CLDN12: variants seen among roughly 807,000 people sequenced by gnomAD.
CLDN12 encodes the protein claudin 12, also known as claudin-12.
A neutral mutation model predicts 15.5 loss-of-function variants in CLDN12; 9 were observed. The ratio of observed to expected loss-of-function variants is 0.58; its 90% CI spans 0.35 to 1.02. CLDN12 has a LOEUF of 1.02. CLDN12 is among the 50% of genes least tolerant of loss of function. The pLI, the probability that CLDN12 is intolerant of heterozygous loss-of-function variation, is 0.02. For missense variants in CLDN12, 233 were observed against 297.3 expected, an observed-to-expected ratio of 0.78 and a Z score of 1.59; for synonymous variants, 140 against 121.6, an observed-to-expected ratio of 1.15 and a Z score of -1.00.
At position 90,413,320 on chromosome 7, in the gene CLDN12, C is replaced by T; in HGVS notation, c.644C>T (p.Pro215Leu). Residue 215 changes from proline (P) to leucine (L), a missense_variant, in exon 4 of 4, where the codon CCC becomes CTC. By Grantham distance (98) the Pro-to-Leu change is moderately conservative. Transcript: ENST00000496677. The part of the protein sequence containing the change: ...PFWQPLYSHP[P>L]SMHTYSQPYS... ...TGGCAACCATTGTACTCCCATCCAC[C>T]CAGTATGCATACTTACTCACAGCCC... 2 of 1,614,126 alleles carry T rather than the reference C, an allele frequency of 1.2e-6. No individual in the cohort carries two copies. Among genetic ancestry groups the T allele is most frequent in the African/African-American group, 1.3e-5 (1 of 75,042 alleles).
intron 3 of CLDN12, 77 bp from the exon 4 acceptor site, chr7:90,412,567 G>T (rs1320247452): frequency 8.5e-7 from 1 of 1,173,406 alleles, no homozygotes; most frequent in East Asian, 2.3e-5. Context: ...TAGATGTGTT[G>T]CCAGTTGGCA....
intron 2 of CLDN12, among the ~76,000 whole-genome samples, chr7:90,409,756 G>A (rs953608614): frequency 3.3e-5 from 5 of 152,066 alleles, no homozygotes; most frequent in African/African-American, 4.8e-5. Context: ...CACTTGATAC[G>A]TAGTAATTAT....
intron 2 of CLDN12, chr7:90,405,811 A>G (rs1796823803): frequency 6.6e-6 from 1 of 152,202 alleles, no homozygotes; most frequent in Non-Finnish European, 1.5e-5. Context: ...ATCAAGAATT[A>G]AGTTAGGGCT....
intron 1 of CLDN12, among the ~76,000 whole-genome samples, chr7:90,404,486 T>C (rs556826062): frequency 2.0e-5 from 3 of 152,308 alleles, no homozygotes; most frequent in African/African-American, 7.2e-5. Context: ...AGTAGATATA[T>C]AGAAGCATCT....
rs965262891 is a variant in CLDN12 at position 90,408,585 on chromosome 7, T to C, written c.-77+2977T>C. 3.9e-5 allele frequency among the ~76,000 whole-genome samples: 6 copies of C among 152,326 alleles called. No individual in the cohort carries two copies. In the East Asian group the frequency reaches 1.2e-3, roughly 29 times the overall value. On this transcript the variant is annotated intron_variant, in intron 2 of 3. Coordinates refer to ENST00000496677, the MANE Select transcript of CLDN12 (RefSeq NM_001185072.3). ...GGCATTTGAAATTAAGAACAGGGCA[T>C]ACAAGGTGAAGTAGCCAAAAGAAGC...
rs754704274 is a variant in CLDN12, at chr7:90,413,138, C to T, written c.462C>T (p.Val154=). The part of the protein sequence containing the change: ...GTVSLSPSIW[V]IFYNIHLNKK... ...TGAGCCTCTCCCCATCTATCTGGGT[C>T]ATCTTTTATAACATCCATCTGAACA... Residue 154 remains valine (V), a synonymous_variant, in exon 4 of 4, where the codon GTC becomes GTT. Coordinates refer to ENST00000496677, the MANE Select transcript of CLDN12 (RefSeq NM_001185072.3). 3.1e-6 allele frequency: 5 copies of T among 1,614,098 alleles called. No individual in the cohort carries two copies. Among genetic ancestry groups the T allele is most frequent in the East Asian group, 2.2e-5 (1 of 44,902 alleles).
chr7:90,404,844 TA>T (rs1189880106), intron 1 of CLDN12, among the ~76,000 whole-genome samples: 1 of 152,024 alleles, frequency 6.6e-6, no homozygotes. Flanking sequence ...ATATTCTATA[TA>T]TTTCTCATAT....
In CLDN12 at chr7:90,413,302, C is replaced by T; in HGVS notation, c.626C>T (p.Pro209Leu). The change falls in exon 4 of 4, where the codon CCA (proline) becomes CTA (leucine). Residue 209 changes from proline (P) to leucine (L), a missense_variant. Physicochemically the swap from Pro to Leu is moderately conservative, Grantham distance 98. Coordinates refer to ENST00000496677, the MANE Select transcript of CLDN12 (RefSeq NM_001185072.3). ...CKSLPSPFWQ[P>L]LYSHPPSMHT... Reference sequence around the variant, plus strand: ...TCTTTGCCTTCTCCTTTCTGGCAACCATTGTACTCCCATCCACCCAGTATG... The same window carrying T: ...TCTTTGCCTTCTCCTTTCTGGCAACTATTGTACTCCCATCCACCCAGTATG... The T allele has an allele frequency of 6.2e-7, 1 of 1,614,166 alleles. No homozygotes were observed. The highest frequency in any genetic ancestry group is 8.5e-7 in the Non-Finnish European group (1 of 1,180,034).
At chr7:90,404,025 G>A (rs1376343760) in intron 1 of CLDN12, among the ~76,000 whole-genome samples, 2 of 146,208 alleles carry the variant, frequency 1.4e-5, no homozygotes, top group Admixed American at 1.4e-4. Flanking sequence ...AGGAGGAGAG[G>A]AGGCGGAGGG....
At position 90,403,507 on chromosome 7, in the gene CLDN12, T is replaced by G. The variant is rs1227182688; in HGVS notation, c.-209T>G. The stretch of plus-strand genomic sequence containing the variant: ...CTGAGAGGGAGACGCTCCAAGAGGC[T>G]CCTCAGTGTGGGCGAGTAAAATGCC... On this transcript the variant is annotated 5_prime_UTR_variant, in exon 1 of 4. Coordinates refer to ENST00000496677, the MANE Select transcript of CLDN12 (RefSeq NM_001185072.3). The G allele has an allele frequency of 8.5e-5, 13 of 152,184 alleles. No individual in the cohort carries two copies. Among genetic ancestry groups the G allele is most frequent in the Non-Finnish European group, 1.8e-4 (12 of 68,036 alleles). 9.4% of individuals were successfully genotyped at this position (152,184 alleles called of 1,614,324 possible).
chr7:90,415,914 G>A lies in CLDN12; in HGVS notation c.*2503G>A, dbSNP rs914516784. ...CAATGTAAAACCTCAATAAAAGTGC[G>A]CTGTACTTCTTAATGTTTATTAAAA... On this transcript the variant is annotated 3_prime_UTR_variant, in exon 4 of 4. Coordinates refer to ENST00000496677, the MANE Select transcript of CLDN12 (RefSeq NM_001185072.3). The A allele has an allele frequency of 1.2e-5, 2 of 166,586 alleles. No individual in the cohort carries two copies. The highest frequency in any genetic ancestry group is 2.1e-4 in the South Asian group (1 of 4,826). The allele number at this position is 166,586 out of a possible 1,614,324, so 10.3% of individuals were successfully genotyped here.
intron 2 of CLDN12, among the ~76,000 whole-genome samples, chr7:90,411,571 G>A (rs958119484): frequency 5.3e-5 from 8 of 151,994 alleles, no homozygotes; most frequent in Non-Finnish European, 1.2e-4. Flanking sequence ...ATGAACAGTA[G>A]TAGTAATAAC....
chr7:90,409,143 A>T (rs1309369072), intron 2 of CLDN12: 7 of 152,170 alleles, frequency 4.6e-5, no homozygotes, highest in African/African-American at 1.4e-4. Flanking sequence ...GTTACAGGGC[A>T]GTTTGATTGG....
chr7:90,407,878 T>C (rs1330484638), intron 2 of CLDN12, among the ~76,000 whole-genome samples: 1 of 152,080 alleles, frequency 6.6e-6, no homozygotes. Context: ...TCAAAAGAAA[T>C]GTGGTTTGGC....
intron 2 of CLDN12, among the ~76,000 whole-genome samples, chr7:90,408,107 G>C (rs916914742): frequency 6.6e-6 from 1 of 152,234 alleles, no homozygotes; most frequent in Non-Finnish European, 1.5e-5. Context: ...CAGCACAAGA[G>C]TAGAGGTCTT....
At position 90,415,084 on chromosome 7, in the gene CLDN12, A is replaced by G. The variant is rs1797046932; in HGVS notation, c.*1673A>G. The G allele has an allele frequency of 6.0e-6, 1 of 166,810 alleles. No homozygotes were observed. Among genetic ancestry groups the G allele is most frequent in the African/African-American group, 2.4e-5 (1 of 41,458 alleles). 10.3% of individuals were successfully genotyped at this position (166,810 alleles called of 1,614,324 possible). A position where few individuals can be genotyped will look rare whatever the true frequency, so the allele number is the denominator to read the frequency against. Reference sequence around the variant, plus strand: ...CTGAATATGATTCTAGTATTTGTGTAGATGTATTTGGTACTTTTTCCCCTA... The same window carrying G: ...CTGAATATGATTCTAGTATTTGTGTGGATGTATTTGGTACTTTTTCCCCTA... On this transcript the variant is annotated 3_prime_UTR_variant, in exon 4 of 4. Coordinates refer to ENST00000496677, the MANE Select transcript of CLDN12 (RefSeq NM_001185072.3).
chr7:90,408,364 A>C (rs1465075845), intron 2 of CLDN12, among the ~76,000 whole-genome samples: 1 of 152,108 alleles, frequency 6.6e-6, no homozygotes, highest in Non-Finnish European at 1.5e-5. Context: ...TTAGTCTGGC[A>C]TGGTGGCATG....
Position 90,413,542 on chromosome 7 carries a change from A to G in CLDN12, c.*131A>G. On this transcript the variant is annotated 3_prime_UTR_variant, in exon 4 of 4. Transcript: ENST00000496677. The stretch of plus-strand genomic sequence containing the variant: ...CAATGAAGCCAAATTTATATGTCCT[A>G]GTAGAATGAAGTGCTGCTAGTTTTT... 3.4e-6 allele frequency: 5 copies of G among 1,464,248 alleles called. No homozygotes were observed. The highest frequency in any genetic ancestry group is 2.4e-5 in the East Asian group (1 of 41,308). 90.7% of individuals were successfully genotyped at this position (1,464,248 alleles called of 1,614,324 possible). A position where few individuals can be genotyped will look rare whatever the true frequency, so the allele number is the denominator to read the frequency against.
At chr7:90,412,455 C>G in intron 3 of CLDN12, 189 bp from the exon 4 acceptor site, 1 of 523,078 alleles carries the variant, frequency 1.9e-6, no homozygotes, top group Non-Finnish European at 3.3e-6. Flanking sequence ...TGTGTGTGCA[C>G]CTGTGCTCTG....
Sources: gnomAD v4.1 joint callset for allele counts (sites outside exome capture counted in the v4.1 genomes callset) on GRCh38, gnomAD v4.1.1 for gene constraint, MANE v1.5 for transcripts, NCBI Gene and HGNC (gene_info 2026-07-23, HGNC 2026-07-21) for gene names.